Variants in STK33 observed in about 807,000 individuals in gnomAD.
The protein encoded by STK33 is serine/threonine kinase 33.
Under a neutral mutation model 58.0 loss-of-function variants are expected in STK33, and 52 were observed. That is an observed-to-expected ratio of 0.90 (90% confidence interval 0.72 to 1.13). STK33 has a LOEUF of 1.13. STK33 is among the 50% of genes most tolerant of loss of function. The pLI, the probability that STK33 is intolerant of heterozygous loss-of-function variation, is 0.00. For missense variants in STK33, 630 were observed against 604.2 expected (o/e 1.04, Z -0.45); for synonymous variants, 215 against 200.1 (o/e 1.07, Z -0.63).
rs751336523 is a variant in STK33 at position 8,392,529 on chromosome 11, C to G, written c.1526G>C (p.Arg509Thr). 51 of 1,613,572 alleles carry G rather than the reference C, an allele frequency of 3.2e-5. No homozygotes were observed. Among genetic ancestry groups the G allele is most frequent in the Non-Finnish European group, 4.1e-5 (48 of 1,179,782 alleles). The change falls in exon 16 of 16, where the codon AGA becomes ACA. Residue 509 changes from arginine to threonine, a missense_variant. Arg to Thr is a moderately conservative substitution (Grantham distance 71, BLOSUM62 -1). Transcript: ENST00000687296. The stretch of plus-strand genomic sequence containing the variant: ...GGAACCTTAGAGTTTCTTTTTGGTT[C>G]TGGACAGGGCGCCGGATTTAGCAGG... Reference protein sequence around the residue: ...KYPAKSGALSRTKKKL With the variant: ...KYPAKSGALSTTKKKL
chr11:8,537,889 TAA>T (rs1365609552), intron 1 of STK33, among the ~76,000 whole-genome samples: 4 of 129,996 alleles, frequency 3.1e-5, no homozygotes. Context: ...TTTTCTTGAG[TAA>T]AAAAAAAAAA....
chr11:8,436,066 G>A lies in STK33; in HGVS notation c.1021C>T (p.His341Tyr). The A allele has an allele frequency of 6.3e-7, 1 of 1,592,832 alleles. No homozygotes were observed. Among genetic ancestry groups the A allele is most frequent in the Non-Finnish European group, 8.6e-7 (1 of 1,169,442 alleles). Residue 341 changes from histidine to tyrosine, a missense_variant, in exon 13 of 16, where the codon CAT becomes TAT. His to Tyr is a moderately conservative substitution (Grantham distance 83, BLOSUM62 2). Coordinates refer to ENST00000687296, the MANE Select transcript of STK33 (RefSeq NM_001352389.2). ...LFELIRKGELHFENAVWNSIS... is the reference protein window; with the variant it reads ...LFELIRKGELYFENAVWNSIS... ...GAATTCCAGACTGCATTTTCAAAATGTAGTTCTCCTTTTCTTATTAACTCA... is the reference window on the plus strand; with the variant it reads ...GAATTCCAGACTGCATTTTCAAAATATAGTTCTCCTTTTCTTATTAACTCA...
intron 1 of STK33, among the ~76,000 whole-genome samples, chr11:8,533,969 G>T (rs1954756004): frequency 6.6e-6 from 1 of 152,118 alleles, no homozygotes; most frequent in Non-Finnish European, 1.5e-5. Context: ...CAGAGTCCAT[G>T]TTTATGCCCT....
rs1554999846 is a variant in STK33, at chr11:8,557,286, G to GGAGGGAAGGGAAGGGAGAGGAGAGAA, written c.-466+36796_-466+36797insTTCTCTCCTCTCCCTTCCCTTCCCTC. On this transcript the variant is annotated intron_variant, in intron 1 of 15. Transcript: ENST00000687296. ...GGAGGGGAGGGGAGGGGAGGGGAGG[G>GGAGGGAAGGGAAGGGAGAGGAGAGAA]GAGGAGAGAAGAGGAGAGGGAGGAG... Among the ~76,000 whole-genome samples the GGAGGGAAGGGAAGGGAGAGGAGAGAA allele has an allele frequency of 1.3e-3, 46 of 34,304 alleles. 3 individuals are homozygous for GGAGGGAAGGGAAGGGAGAGGAGAGAA. Among genetic ancestry groups the GGAGGGAAGGGAAGGGAGAGGAGAGAA allele is most frequent in the East Asian group, 2.1e-3 (2 of 958 alleles). The allele number at this position is 34,304 out of a possible 152,430, so 22.5% of individuals were successfully genotyped here. A position where few individuals can be genotyped will look rare whatever the true frequency, so the allele number is the denominator to read the frequency against.
intron 15 of STK33, among the ~76,000 whole-genome samples, chr11:8,394,532 G>C (rs1849023245): frequency 6.6e-6 from 1 of 152,096 alleles, no homozygotes; most frequent in Non-Finnish European, 1.5e-5. Context: ...TTCATATCTG[G>C]CTTAATGGTT....
At chr11:8,444,672 T>C (rs1945194198) in intron 11 of STK33, among the ~76,000 whole-genome samples, 1 of 152,086 alleles carries the variant, frequency 6.6e-6, no homozygotes, top group African/African-American at 2.4e-5. Context: ...TTTATGTCAA[T>C]GAAACTGAAG....
chr11:8,576,745 T>A (rs1958213442), intron 1 of STK33, among the ~76,000 whole-genome samples: 1 of 152,150 alleles, frequency 6.6e-6, no homozygotes, highest in Non-Finnish European at 1.5e-5. Context: ...GGTTCGGTAA[T>A]TTGCACAAGG....
intron 8 of STK33, among the ~76,000 whole-genome samples, chr11:8,460,923 C>T (rs1310624849): frequency 1.3e-5 from 2 of 152,148 alleles, no homozygotes; most frequent in Non-Finnish European, 1.5e-5. Context: ...AGGCACAACC[C>T]AAATTGACTA....
At chr11:8,547,515 T>C (rs963703788) in intron 1 of STK33, among the ~76,000 whole-genome samples, 1 of 152,180 alleles carries the variant, frequency 6.6e-6, no homozygotes, top group Non-Finnish European at 1.5e-5. Flanking sequence ...CACCTAGCCC[T>C]GTATGTCTTC....
At chr11:8,448,382 ATAC>A (rs1260347086) in intron 11 of STK33, among the ~76,000 whole-genome samples, 1 of 152,222 alleles carries the variant, frequency 6.6e-6, no homozygotes, top group East Asian at 1.9e-4. Flanking sequence ...ACTTCAAACT[ATAC>A]TACAAGGCTA....
chr11:8,383,739 C>A, the STK33 span, among the ~76,000 whole-genome samples: 1 of 152,208 alleles, frequency 6.6e-6, no homozygotes, highest in Non-Finnish European at 1.5e-5. Context: ...CCATTCTCAT[C>A]CTTCTTCTTG....
In STK33 at chr11:8,527,800, A is replaced by G. The variant is rs376524381; in HGVS notation, c.-465-47186T>C. Among the ~76,000 whole-genome samples the G allele has an allele frequency of 2.0e-3, 300 of 152,334 alleles. 2 individuals carry two copies. Among genetic ancestry groups the G allele is most frequent in the African/African-American group, 6.9e-3 (285 of 41,574 alleles). On this transcript the variant is annotated intron_variant, in intron 1 of 15. Transcript: ENST00000687296. ...TGACTATATGAGTATTTTCCAGAGG[A>G]AACAGCCCATTTACCAAAACACTTC...
At chr11:8,520,074 C>A (rs1353372978) in intron 1 of STK33, among the ~76,000 whole-genome samples, 1 of 152,156 alleles carries the variant, frequency 6.6e-6, no homozygotes, top group East Asian at 1.9e-4. Context: ...CCCTCATGAA[C>A]ATCGATGCTA....
At chr11:8,416,279 G>A (rs1941111520) in intron 14 of STK33, among the ~76,000 whole-genome samples, 1 of 152,116 alleles carries the variant, frequency 6.6e-6, no homozygotes, top group South Asian at 2.1e-4. Flanking sequence ...TAAAAAAGAT[G>A]CTCCCTCTGT....
At chr11:8,341,309 C>A in the STK33 span, among the ~76,000 whole-genome samples, 1 of 152,214 alleles carries the variant, frequency 6.6e-6, no homozygotes, top group African/African-American at 2.4e-5. Flanking sequence ...CCCCACAAAG[C>A]AGGGAGGCTG....
downstream of STK33, among the ~76,000 whole-genome samples, chr11:8,387,071 T>C (rs1451088484): frequency 3.3e-5 from 5 of 152,172 alleles, no homozygotes; most frequent in African/African-American, 1.2e-4. Context: ...CCTTGAGAAC[T>C]TACTTTTATC....
At chr11:8,541,556 A>C (rs1955518748) in intron 1 of STK33, among the ~76,000 whole-genome samples, 2 of 152,196 alleles carry the variant, frequency 1.3e-5, no homozygotes, top group South Asian at 4.1e-4. Context: ...ACTCCTTACT[A>C]AATAGCTTTT....
At chr11:8,538,299 A>G (rs1955219413) in intron 1 of STK33, among the ~76,000 whole-genome samples, 1 of 152,244 alleles carries the variant, frequency 6.6e-6, no homozygotes, top group Non-Finnish European at 1.5e-5. Context: ...CAACAACTCT[A>G]TGAAGTAGGC....
At chr11:8,566,489 G>A (rs1187420398) in intron 1 of STK33, among the ~76,000 whole-genome samples, 1 of 152,206 alleles carries the variant, frequency 6.6e-6, no homozygotes, top group Non-Finnish European at 1.5e-5. Flanking sequence ...TTGGTCTAAT[G>A]TTTAATGTGT....
Sources: allele counts gnomAD v4.1 joint callset (sites outside exome capture counted in the v4.1 genomes callset), GRCh38; gene constraint gnomAD v4.1.1; transcripts MANE v1.5; gene names NCBI Gene and HGNC (gene_info 2026-07-23, HGNC 2026-07-21).